B3GALT5: variants seen among roughly 807,000 people sequenced by gnomAD.
B3GALT5 encodes beta-1,3-galactosyltransferase 5.
For missense variants in B3GALT5, 328 were observed against 396.6 expected (o/e 0.83, Z 1.47); for synonymous variants, 156 against 158.6 (o/e 0.98, Z 0.12).
intron 1 of B3GALT5, among the ~76,000 whole-genome samples, chr21:39,640,914 A>AT (rs1392217763): frequency 5.9e-5 from 9 of 151,748 alleles, no homozygotes; most frequent in Admixed American, 1.3e-4. Context: ...TATTTTTTCT[A>AT]TTTTTTGTAG....
chr21:39,625,729 G>A (rs1392084079), intron 1 of B3GALT5, among the ~76,000 whole-genome samples: 4 of 152,220 alleles, frequency 2.6e-5, no homozygotes, highest in African/African-American at 4.8e-5. Context: ...GACTCCTGAT[G>A]TCTGAAGGGG....
At chr21:39,637,567 C>G (rs1339410497) in intron 1 of B3GALT5, among the ~76,000 whole-genome samples, 1 of 152,262 alleles carries the variant, frequency 6.6e-6, no homozygotes, top group African/African-American at 2.4e-5. Context: ...TTCTGTGTGT[C>G]CCAGTGTCCT....
chr21:39,625,232 C>T (rs2079157684), intron 1 of B3GALT5, among the ~76,000 whole-genome samples: 1 of 152,120 alleles, frequency 6.6e-6, no homozygotes, highest in South Asian at 2.1e-4. Flanking sequence ...GGAGTTTTTC[C>T]AGGCTAATGA....
rs529388945 is a variant in B3GALT5, at chr21:39,672,623, A to G, written c.*11131A>G. On this transcript the variant is annotated 3_prime_UTR_variant, in exon 4 of 4. Coordinates refer to ENST00000684187, the MANE Select transcript of B3GALT5 (RefSeq NM_001356336.2). ...TAACTAGGTGAGTTTTAGGTTGTCGATTGATGTGATAATTCACTCTTCCCG... is the reference window on the plus strand; with the variant it reads ...TAACTAGGTGAGTTTTAGGTTGTCGGTTGATGTGATAATTCACTCTTCCCG... 14 of 152,338 alleles carry G rather than the reference A, an allele frequency of 9.2e-5. 1 individual carries two copies. The highest frequency in any genetic ancestry group is 3.4e-4 in the African/African-American group (14 of 41,574). The allele number at this position is 152,338 out of a possible 1,614,324, so 9.4% of individuals were successfully genotyped here.
In B3GALT5 at chr21:39,661,787, A is replaced by C. The variant is rs1244155611; in HGVS notation, c.*295A>C. ...ATGGGTGTTACCATCCTAATTTTAC[A>C]GGCAAGGACACAGCAGCTGCGAGAG... On this transcript the variant is annotated 3_prime_UTR_variant, in exon 4 of 4. Coordinates refer to ENST00000684187, the MANE Select transcript of B3GALT5 (RefSeq NM_001356336.2). The surrounding 1 kb of genome is among the most constrained non-coding windows in gnomAD (Gnocchi z 4.7). The C allele has an allele frequency of 3.8e-6, 1 of 265,576 alleles. No individual in the cohort carries two copies. The highest frequency in any genetic ancestry group is 7.6e-6 in the Non-Finnish European group (1 of 131,664). 16.5% of individuals were successfully genotyped at this position (265,576 alleles called of 1,614,324 possible).
intron 1 of B3GALT5, among the ~76,000 whole-genome samples, chr21:39,635,086 T>G (rs537456473): frequency 4.0e-4 from 61 of 152,250 alleles, no homozygotes; most frequent in African/African-American, 1.4e-3. Flanking sequence ...CCAAAAGACA[T>G]GGTAGCATAA....
At position 39,668,322 on chromosome 21, in the gene B3GALT5, C is replaced by A. The variant is rs2079596742; in HGVS notation, c.*6830C>A. The A allele has an allele frequency of 6.6e-6, 1 of 152,202 alleles. No individual in the cohort carries two copies. The highest frequency in any genetic ancestry group is 2.1e-4 in the South Asian group (1 of 4,826). 9.4% of individuals were successfully genotyped at this position (152,202 alleles called of 1,614,324 possible). On this transcript the variant is annotated 3_prime_UTR_variant, in exon 4 of 4. Transcript: ENST00000684187. ...AGGCCAGCCTCTGTGACCTGAGACT[C>A]CAAGACCACCATTGCAGACCCAGGC...
At chr21:39,648,699 A>C (rs1214842456) in intron 2 of B3GALT5, among the ~76,000 whole-genome samples, 1 of 152,212 alleles carries the variant, frequency 6.6e-6, no homozygotes, top group South Asian at 2.1e-4. Context: ...TTTGCTATGG[A>C]CTGAATTGTG....
At chr21:39,621,867 A>G (rs2079136103) in intron 1 of B3GALT5, among the ~76,000 whole-genome samples, 1 of 151,996 alleles carries the variant, frequency 6.6e-6, no homozygotes, top group East Asian at 1.9e-4. Flanking sequence ...TTGAGTATGT[A>G]GATAATTTCT....
At chr21:39,615,749 T>C (rs985183157) in intron 1 of B3GALT5, among the ~76,000 whole-genome samples, 6 of 152,188 alleles carry the variant, frequency 3.9e-5, no homozygotes, top group Non-Finnish European at 8.8e-5. Flanking sequence ...GGGGTGGTTG[T>C]GAGGATTACG....
At chr21:39,624,322 G>C (rs2123689120) in intron 1 of B3GALT5, among the ~76,000 whole-genome samples, 1 of 152,216 alleles carries the variant, frequency 6.6e-6, no homozygotes, top group African/African-American at 2.4e-5. Flanking sequence ...CCTTTGTTTG[G>C]GTGCTGCTTG....
At chr21:39,650,976 GA>G (rs5843972) in intron 2 of B3GALT5, among the ~76,000 whole-genome samples, 4 of 149,382 alleles carry the variant, frequency 2.7e-5, no homozygotes, top group South Asian at 4.3e-4. Flanking sequence ...CAACCATAAA[GA>G]AAAAAAAAAC....
At chr21:39,657,602 A>G (rs1042850386) in intron 2 of B3GALT5, 4 of 284,398 alleles carry the variant, frequency 1.4e-5, no homozygotes, top group African/African-American at 2.2e-5. Context: ...CTGTCACGGT[A>G]TTTCCCAACC....
At chr21:39,653,508 G>T (rs918363225) in intron 2 of B3GALT5, among the ~76,000 whole-genome samples, 1 of 152,226 alleles carries the variant, frequency 6.6e-6, no homozygotes, top group African/African-American at 2.4e-5. Context: ...CTGGTTCAGG[G>T]ACGCTGGTTT....
intron 1 of B3GALT5, among the ~76,000 whole-genome samples, chr21:39,628,950 G>GT (rs753338083): frequency 1.3e-5 from 2 of 152,028 alleles, no homozygotes; most frequent in Non-Finnish European, 1.5e-5. Context: ...CTAAAAAGTG[G>GT]TTGACTTGAG....
intron 1 of B3GALT5, among the ~76,000 whole-genome samples, chr21:39,640,565 A>G (rs2079281995): frequency 6.6e-6 from 1 of 152,182 alleles, no homozygotes; most frequent in Non-Finnish European, 1.5e-5. Context: ...AAGTTCTCAG[A>G]CACGTTTCGA....
intron 1 of B3GALT5, among the ~76,000 whole-genome samples, chr21:39,638,819 C>T (rs1431303594): frequency 6.6e-6 from 1 of 152,136 alleles, no homozygotes; most frequent in Non-Finnish European, 1.5e-5. Flanking sequence ...AGCAGCGGGG[C>T]ATGGAAGAAG....
At chr21:39,631,263 C>T (rs1418073597) in intron 1 of B3GALT5, among the ~76,000 whole-genome samples, 2 of 152,150 alleles carry the variant, frequency 1.3e-5, no homozygotes, top group African/African-American at 2.4e-5. Flanking sequence ...CTTCTGAGGG[C>T]GCTGAAGGAG....
At chr21:39,625,199 T>G (rs1242851729) in intron 1 of B3GALT5, among the ~76,000 whole-genome samples, 3 of 152,218 alleles carry the variant, frequency 2.0e-5, no homozygotes, top group Admixed American at 6.5e-5. Context: ...GTTTGTCGCA[T>G]GTTATTCCAT....
Sources: gnomAD v4.1 joint callset for allele counts (sites outside exome capture counted in the v4.1 genomes callset) on GRCh38, gnomAD v4.1.1 for gene constraint, Gnocchi (gnomAD v3.1) non-coding constraint, MANE v1.5 for transcripts, NCBI Gene and HGNC (gene_info 2026-07-23, HGNC 2026-07-21) for gene names.